The following SDK2 variants were observed in gnomAD, a reference collection of about 807,000 sequenced individuals.
SDK2 encodes protein sidekick-2.
Under a neutral mutation model 253.9 loss-of-function variants are expected in SDK2, and 105 were observed. The observed-to-expected ratio is 0.41, with a 90% CI of 0.35 to 0.49. The LOEUF (loss-of-function observed/expected upper bound fraction) is 0.49, where lower values mean the gene tolerates loss of function less well. Among genes scored for constraint, SDK2 ranks in the 20% least tolerant of loss-of-function variants. The pLI is 0.06. For missense variants in SDK2, 2,608 were observed against 3,003.0 expected (o/e 0.87, Z 3.07); for synonymous variants, 1,249 against 1,234.9 (o/e 1.01, Z -0.24).
chr17:73,353,979 G>A (rs575749438), intron 40 of SDK2, among the ~76,000 whole-genome samples: 46 of 152,164 alleles, frequency 3.0e-4, no homozygotes, highest in Admixed American at 1.8e-3. Context: ...AGGATTACAC[G>A]TGTGAGCCAC....
chr17:73,483,539 A>G (rs1374105935), intron 2 of SDK2, among the ~76,000 whole-genome samples: 2 of 141,240 alleles, frequency 1.4e-5, no homozygotes, highest in African/African-American at 5.3e-5. Context: ...ATATGTATGT[A>G]TATATGTATG....
In SDK2 at chr17:73,358,219, C is replaced by G. The variant is rs1391053448; in HGVS notation, c.5468-15G>C. ...TCCTGGGGCACCTGCAGACAGCACA[C>G]AGAGGCGAGGGATGTATGGAACCCA... On this transcript the variant is annotated splice_polypyrimidine_tract_variant and intron_variant, in intron 39 of 44. Transcript: ENST00000392650. 6.3e-7 allele frequency: 1 copy of G among 1,592,108 alleles called. No individual in the cohort carries two copies. Among genetic ancestry groups the G allele is most frequent in the Non-Finnish European group, 8.5e-7 (1 of 1,173,934 alleles).
At chr17:73,576,079 G>C (rs1042713328) in intron 1 of SDK2, among the ~76,000 whole-genome samples, 8 of 152,216 alleles carry the variant, frequency 5.3e-5, no homozygotes. Flanking sequence ...TATTGAACAG[G>C]ACCAAAAGGC....
chr17:73,344,037 C>CG (rs1568358246), intron 44 of SDK2, among the ~76,000 whole-genome samples: 3 of 152,040 alleles, frequency 2.0e-5, no homozygotes, highest in Admixed American at 6.5e-5. Flanking sequence ...TGCCTCTACC[C>CG]GGGGGGCCAG....
At chr17:73,342,583 CACTA>C (rs1242938399) in intron 44 of SDK2, among the ~76,000 whole-genome samples, 1 of 152,198 alleles carries the variant, frequency 6.6e-6, no homozygotes, top group Admixed American at 6.5e-5. Flanking sequence ...TCTTTCCACC[CACTA>C]ACTGACTTGA....
chr17:73,588,599 C>G (rs1354308179), intron 1 of SDK2, among the ~76,000 whole-genome samples: 1 of 150,414 alleles, frequency 6.6e-6, no homozygotes, highest in African/African-American at 2.5e-5. Flanking sequence ...CAGGGGACAT[C>G]TGGAAGCATT....
chr17:73,475,467 T>C (rs986605770), intron 2 of SDK2, among the ~76,000 whole-genome samples: 3 of 152,266 alleles, frequency 2.0e-5, no homozygotes, highest in Admixed American at 2.0e-4. Flanking sequence ...GCCTTTTAGA[T>C]ACACTAGCAA....
intron 1 of SDK2, among the ~76,000 whole-genome samples, chr17:73,586,927 C>T (rs536069197): frequency 2.6e-5 from 4 of 152,242 alleles, no homozygotes; most frequent in Non-Finnish European, 5.9e-5. Context: ...AATTCCTCCT[C>T]TGCTGCTTTC....
Position 73,379,066 on chromosome 17 carries a change from G to C in SDK2, c.4980+111C>G. 1 of 766,490 alleles carries C rather than the reference G, an allele frequency of 1.3e-6. No individual in the cohort carries two copies. The highest frequency in any genetic ancestry group is 1.7e-5 in the South Asian group (1 of 58,208). 47.5% of individuals were successfully genotyped at this position (766,490 alleles called of 1,614,324 possible). Reference sequence around the variant, plus strand: ...GCCTGAAGGGCCGAGGAGCTGGCTGGATGAATGGAGGGCCTGGGGACCTGC... The same window carrying C: ...GCCTGAAGGGCCGAGGAGCTGGCTGCATGAATGGAGGGCCTGGGGACCTGC... On this transcript the variant is annotated intron_variant, in intron 36 of 44. Coordinates refer to ENST00000392650, the MANE Select transcript of SDK2 (RefSeq NM_001144952.2). This position sits in a 1 kb window ranked among gnomAD's most constrained non-coding sequence, Gnocchi z 4.5.
Position 73,588,197 on chromosome 17 carries a change from A to ACCC in SDK2, c.64+55825_64+55827dup, listed in dbSNP as rs57740393. 4.1e-3 allele frequency among the ~76,000 whole-genome samples: 532 copies of ACCC among 130,804 alleles called. 9 individuals carry two copies. The highest frequency in any genetic ancestry group is 0.014 in the African/African-American group (498 of 34,778). 85.8% of individuals were successfully genotyped at this position (130,804 alleles called of 152,430 possible). A position where few individuals can be genotyped will look rare whatever the true frequency, so the allele number is the denominator to read the frequency against. On this transcript the variant is annotated intron_variant, in intron 1 of 44. Transcript: ENST00000392650. Reference sequence around the variant, plus strand: ...AGACCAGCCTGACCAACATGGAGAGACCCCCCCCCCTCCCCCGCCATCTCT... The same window carrying ACCC: ...AGACCAGCCTGACCAACATGGAGAGACCCCCCCCCCCCCTCCCCCGCCATCTCT...
chr17:73,409,449 C>G (rs1230547812), intron 18 of SDK2, among the ~76,000 whole-genome samples: 1 of 135,504 alleles, frequency 7.4e-6, no homozygotes, highest in Non-Finnish European at 1.6e-5. Flanking sequence ...CCTGGGTGAC[C>G]GAGCAAGACT....
chr17:73,490,687 GTAT>G (rs148141782), intron 2 of SDK2, among the ~76,000 whole-genome samples: 2 of 150,902 alleles, frequency 1.3e-5, no homozygotes, highest in Non-Finnish European at 3.0e-5. Flanking sequence ...GCTAATTTTT[GTAT>G]TATTATTATT....
intron 1 of SDK2, among the ~76,000 whole-genome samples, chr17:73,640,387 A>G (rs1467190788): frequency 1.3e-5 from 2 of 152,064 alleles, no homozygotes; most frequent in Admixed American, 6.5e-5. Context: ...AGCCAGTGGA[A>G]GCACCAAGCT....
At chr17:73,504,631 CAAAAAA>C (rs146981971) in intron 2 of SDK2, among the ~76,000 whole-genome samples, 1 of 47,030 alleles carries the variant, frequency 2.1e-5, no homozygotes, top group East Asian at 6.7e-4. Flanking sequence ...GACTCTGTCT[CAAAAAA>C]AAAAAAAAAA....
chr17:73,583,890 A>G (rs2045569585), intron 1 of SDK2, among the ~76,000 whole-genome samples: 2 of 152,196 alleles, frequency 1.3e-5, no homozygotes, highest in Non-Finnish European at 2.9e-5. Flanking sequence ...TCTGAGCCTC[A>G]GTTTCCTCAA....
intron 1 of SDK2, among the ~76,000 whole-genome samples, chr17:73,626,917 T>A (rs2046209862): frequency 6.6e-6 from 1 of 152,116 alleles, no homozygotes; most frequent in African/African-American, 2.4e-5. Context: ...TTGGGTAGCG[T>A]CTTCACCCTG....
chr17:73,532,095 C>T (rs550594642), intron 1 of SDK2, among the ~76,000 whole-genome samples: 1 of 152,130 alleles, frequency 6.6e-6, no homozygotes, highest in Non-Finnish European at 1.5e-5. Flanking sequence ...GGACCCCTGG[C>T]GATGTCCGGA....
At chr17:73,583,184 G>A (rs2045559278) in intron 1 of SDK2, among the ~76,000 whole-genome samples, 1 of 152,236 alleles carries the variant, frequency 6.6e-6, no homozygotes, top group Non-Finnish European at 1.5e-5. Context: ...CTGTAGTAAT[G>A]AAAGTTTTTA....
chr17:73,360,973 A>G (rs918825344), intron 39 of SDK2, among the ~76,000 whole-genome samples: 1 of 150,036 alleles, frequency 6.7e-6, no homozygotes, highest in African/African-American at 2.5e-5. Context: ...ACAACAACAG[A>G]AACAATACAG....
Sources: allele counts gnomAD v4.1 joint callset (sites outside exome capture counted in the v4.1 genomes callset), GRCh38; gene constraint gnomAD v4.1.1; non-coding constraint Gnocchi (gnomAD v3.1); transcripts MANE v1.5; gene names NCBI Gene and HGNC (gene_info 2026-07-23, HGNC 2026-07-21).